IMMP2L: variants seen among roughly 807,000 people sequenced by gnomAD.
IMMP2L encodes inner mitochondrial membrane peptidase subunit 2, also known as mitochondrial inner membrane protease subunit 2.
Under a neutral mutation model 19.3 loss-of-function variants are expected in IMMP2L, and 18 were observed. That is an observed-to-expected ratio of 0.93 (90% CI 0.64 to 1.38). IMMP2L has a LOEUF of 1.38. Ranked by LOEUF, IMMP2L falls within the 40% of genes most tolerant of loss-of-function variation. The pLI, the probability that IMMP2L is intolerant of heterozygous loss-of-function variation, is 0.00. For missense variants in IMMP2L, 233 were observed against 218.2 expected, an observed-to-expected ratio of 1.07 and a Z score of -0.43; for synonymous variants, 76 against 73.0, an observed-to-expected ratio of 1.04 and a Z score of -0.21.
chr7:111,362,446 C>T lies in IMMP2L; in HGVS notation c.239+124792G>A, dbSNP rs560544363. Reference sequence around the variant, plus strand: ...TATAGGCCTCTGAATGAATGTTACTCATTGCTAGTATAAGGTTTCACATAC... The same window carrying T: ...TATAGGCCTCTGAATGAATGTTACTTATTGCTAGTATAAGGTTTCACATAC... On this transcript the variant is annotated intron_variant, in intron 3 of 5. Transcript: ENST00000405709. Among the ~76,000 whole-genome samples, 10 of 151,920 alleles carry T rather than the reference C, an allele frequency of 6.6e-5. No individual in the cohort carries two copies. The South Asian group carries it at 1.9e-3, about 28-fold the overall frequency.
chr7:111,199,966 A>G (rs1270004759), intron 3 of IMMP2L, among the ~76,000 whole-genome samples: 1 of 152,108 alleles, frequency 6.6e-6, no homozygotes, highest in African/African-American at 2.4e-5. Flanking sequence ...GGCTCTTTGA[A>G]GGAGCAATTT....
chr7:111,352,771 C>T (rs997094526), intron 3 of IMMP2L, among the ~76,000 whole-genome samples: 4 of 152,074 alleles, frequency 2.6e-5, no homozygotes, highest in Non-Finnish European at 5.9e-5. Context: ...TGATTTGGCA[C>T]CTGTCAAGTC....
At chr7:110,719,508 CCATT>C in intron 5 of IMMP2L, among the ~76,000 whole-genome samples, 1 of 152,084 alleles carries the variant, frequency 6.6e-6, no homozygotes, top group African/African-American at 2.4e-5. Context: ...GAAAAAAACC[CCATT>C]ATTAAAATAC....
intron 3 of IMMP2L, among the ~76,000 whole-genome samples, chr7:111,045,315 C>T (rs1310316776): frequency 6.6e-6 from 1 of 152,096 alleles, no homozygotes; most frequent in Non-Finnish European, 1.5e-5. Flanking sequence ...CAAAATATGC[C>T]CATTCTTCAT....
intron 5 of IMMP2L, among the ~76,000 whole-genome samples, chr7:110,850,526 A>G (rs999222040): frequency 1.3e-5 from 2 of 152,128 alleles, no homozygotes; most frequent in African/African-American, 4.8e-5. Context: ...TGCACTGCCT[A>G]TGAGTTAGTC....
At chr7:111,333,482 G>A (rs1826078426) in intron 3 of IMMP2L, among the ~76,000 whole-genome samples, 1 of 151,958 alleles carries the variant, frequency 6.6e-6, no homozygotes, top group Non-Finnish European at 1.5e-5. Context: ...ATGATTTCAG[G>A]AAATGTATAT....
chr7:111,027,714 T>C (rs1311784937), intron 3 of IMMP2L, among the ~76,000 whole-genome samples: 4 of 152,096 alleles, frequency 2.6e-5, no homozygotes, highest in Admixed American at 6.6e-5. Flanking sequence ...TTATTGAGTA[T>C]CTACTATGTA....
intron 4 of IMMP2L, among the ~76,000 whole-genome samples, chr7:110,949,222 T>C (rs1348447536): frequency 2.0e-5 from 3 of 152,160 alleles, no homozygotes; most frequent in East Asian, 3.9e-4. Flanking sequence ...ATATATGTAT[T>C]GGTTTTGTCT....
chr7:111,111,945 T>G (rs1434040633), intron 3 of IMMP2L, among the ~76,000 whole-genome samples: 55 of 123,266 alleles, frequency 4.5e-4, no homozygotes, highest in African/African-American at 1.7e-3. Flanking sequence ...ATAGTTTGTT[T>G]TTTTTTTTTT....
intron 3 of IMMP2L, among the ~76,000 whole-genome samples, chr7:111,206,263 C>G (rs1272985140): frequency 6.6e-6 from 1 of 152,156 alleles, no homozygotes; most frequent in Non-Finnish European, 1.5e-5. Context: ...TATTTCCTCT[C>G]CATCCACCCA....
chr7:111,471,058 C>T (rs1013735933), intron 3 of IMMP2L, among the ~76,000 whole-genome samples: 57 of 151,910 alleles, frequency 3.8e-4, no homozygotes, highest in African/African-American at 1.4e-3. Flanking sequence ...ACATTTGTAT[C>T]GTGGCCATTG....
chr7:111,278,656 T>C (rs1183607689), intron 3 of IMMP2L, among the ~76,000 whole-genome samples: 1 of 152,186 alleles, frequency 6.6e-6, no homozygotes, highest in African/African-American at 2.4e-5. Flanking sequence ...GACTTTTTCA[T>C]CTTTAAGCCC....
chr7:110,698,584 A>G (rs1794044114), intron 5 of IMMP2L, among the ~76,000 whole-genome samples: 1 of 152,186 alleles, frequency 6.6e-6, no homozygotes, highest in Non-Finnish European at 1.5e-5. Flanking sequence ...GCTCAGCAGC[A>G]GCCATAGAAA....
At chr7:111,428,910 A>C (rs1473402507) in intron 3 of IMMP2L, among the ~76,000 whole-genome samples, 2 of 151,928 alleles carry the variant, frequency 1.3e-5, no homozygotes, top group Non-Finnish European at 2.9e-5. Flanking sequence ...TATAGTATTC[A>C]ATTTTAAAAG....
At position 111,343,844 on chromosome 7, in the gene IMMP2L, T is replaced by C. The variant is rs189258804; in HGVS notation, c.239+143394A>G. 8.9e-4 allele frequency among the ~76,000 whole-genome samples: 136 copies of C among 152,246 alleles called. 1 individual carries two copies. The highest frequency in any genetic ancestry group is 2.9e-3 in the Admixed American group (44 of 15,282). ...CTCTTCAAGCTTTATTTTCCTCTTC[T>C]GTAAAGTGAGGAACCTTCACCACCC... On this transcript the variant is annotated intron_variant, in intron 3 of 5. Transcript: ENST00000405709.
chr7:110,960,396 T>C (rs966789561), intron 4 of IMMP2L, among the ~76,000 whole-genome samples: 9 of 152,002 alleles, frequency 5.9e-5, no homozygotes, highest in Middle Eastern at 6.8e-3. Context: ...GAATCACTAA[T>C]CTATTTCTGT....
At chr7:111,259,989 A>G (rs1587098162) in intron 3 of IMMP2L, among the ~76,000 whole-genome samples, 2 of 152,106 alleles carry the variant, frequency 1.3e-5, no homozygotes, top group South Asian at 2.1e-4. Context: ...ACATGCATGG[A>G]GCTGTCATCT....
At chr7:110,801,229 A>C (rs923791239) in intron 5 of IMMP2L, among the ~76,000 whole-genome samples, 1 of 152,028 alleles carries the variant, frequency 6.6e-6, no homozygotes, top group Non-Finnish European at 1.5e-5. Context: ...TGCACCTGCT[A>C]TCTGTTATTT....
At chr7:111,293,215 T>G (rs1416159970) in intron 3 of IMMP2L, among the ~76,000 whole-genome samples, 1 of 152,006 alleles carries the variant, frequency 6.6e-6, no homozygotes, top group Non-Finnish European at 1.5e-5. Flanking sequence ...ACTGATCAGG[T>G]ATAAATTTAG....
Sources: allele counts gnomAD v4.1 joint callset (sites outside exome capture counted in the v4.1 genomes callset), GRCh38; gene constraint gnomAD v4.1.1; transcripts MANE v1.5; gene names NCBI Gene and HGNC (gene_info 2026-07-23, HGNC 2026-07-21).